The following OAS3 variants were observed in gnomAD, a reference collection of about 807,000 sequenced individuals.
The protein encoded by OAS3 is 2'-5'-oligoadenylate synthase 3.
In OAS3, 107 loss-of-function variants were observed where a neutral mutation model predicts 113.0. That is an observed-to-expected ratio of 0.95 (90% CI 0.81 to 1.11). The LOEUF is 1.11. Among genes scored for constraint, OAS3 ranks in the 50% most tolerant of loss-of-function variants. The pLI, the probability that OAS3 is intolerant of heterozygous loss-of-function variation, is 0.00. For synonymous variants in OAS3, 552 were observed against 573.6 expected (o/e 0.96, Z 0.54); for missense variants, 1,258 against 1,389.1 (o/e 0.91, Z 1.50).
chr12:112,943,845 C>T (rs964748537), intron 2 of OAS3, among the ~76,000 whole-genome samples: 2 of 152,192 alleles, frequency 1.3e-5, no homozygotes, highest in African/African-American at 4.8e-5. Context: ...TCTGGAGTAG[C>T]TGGGATTACA....
intron 3 of OAS3, among the ~76,000 whole-genome samples, chr12:112,946,519 C>T (rs1753071439): frequency 6.6e-6 from 1 of 152,170 alleles, no homozygotes; most frequent in South Asian, 2.1e-4. Context: ...GGACTTGAAA[C>T]TTACACCCCT....
intron 1 of OAS3, among the ~76,000 whole-genome samples, chr12:112,939,532 G>T (rs1208961865): frequency 6.6e-6 from 1 of 152,048 alleles, no homozygotes; most frequent in African/African-American, 2.4e-5. Flanking sequence ...TGTTGCCCAG[G>T]CTGGCCTGGA....
chr12:112,961,955 C>G (rs994043591), intron 8 of OAS3, among the ~76,000 whole-genome samples: 2 of 152,172 alleles, frequency 1.3e-5, no homozygotes, highest in Non-Finnish European at 2.9e-5. Context: ...ACTACTACAC[C>G]TGGCTGATTT....
chr12:112,967,411 TCTCCAGGCCAGCTGGTCTCTGG>T lies in OAS3; in HGVS notation c.2693_2714del (p.Gln898ProfsTer38). The T allele has an allele frequency of 6.2e-7, 1 of 1,608,710 alleles. No individual in the cohort carries two copies. Among genetic ancestry groups the T allele is most frequent in the Non-Finnish European group, 8.5e-7 (1 of 1,177,346 alleles). ...CGGAGTGATGGTAACCATCTCCCCA[TCTCCAGGCCAGCTGGTCTCTGG>T]CTCCAGGCCCAGCTCTCAAGTCTAC... On this transcript the variant is annotated splice_acceptor_variant and splice_polypyrimidine_tract_variant and coding_sequence_variant and intron_variant, in exon 13 of 16. Transcript: ENST00000228928. LOFTEE classifies it high-confidence loss of function.
In OAS3 at chr12:112,958,911, G is replaced by C. The variant is rs540166805; in HGVS notation, c.1658-2160G>C. On this transcript the variant is annotated intron_variant, in intron 7 of 15. Coordinates refer to ENST00000228928, the MANE Select transcript of OAS3 (RefSeq NM_006187.4). ...GTTTAAGTCTGCAGAAGTTTCTGCT[G>C]CCTTTTGTTCAGCTATGCCCTGCCT... 3.0e-3 allele frequency among the ~76,000 whole-genome samples: 455 copies of C among 152,338 alleles called. 2 individuals are homozygous for C. Among genetic ancestry groups the C allele is most frequent in the African/African-American group, 0.01 (421 of 41,580 alleles).
intron 1 of OAS3, among the ~76,000 whole-genome samples, chr12:112,940,291 C>A (rs1465336150): frequency 6.6e-6 from 1 of 152,176 alleles, no homozygotes; most frequent in Non-Finnish European, 1.5e-5. Flanking sequence ...AAAGGACTGG[C>A]ATAATCATCG....
chr12:112,940,788 A>G (rs554669599), intron 1 of OAS3, among the ~76,000 whole-genome samples: 1 of 152,310 alleles, frequency 6.6e-6, no homozygotes, highest in African/African-American at 2.4e-5. Context: ...AGATCACTTG[A>G]GGTCAGGAAT....
intron 2 of OAS3, among the ~76,000 whole-genome samples, chr12:112,943,766 T>G (rs1371763224): frequency 2.0e-5 from 3 of 152,138 alleles, no homozygotes; most frequent in African/African-American, 7.2e-5. Flanking sequence ...CAGGCTGGAG[T>G]GCAGTGGTAC....
chr12:112,968,907 T>C (rs888484701), intron 14 of OAS3, among the ~76,000 whole-genome samples: 8 of 152,220 alleles, frequency 5.3e-5, no homozygotes, highest in Non-Finnish European at 1.0e-4. Flanking sequence ...TGCCTACCTC[T>C]GAAATGGGTA....
rs1457748589 is a variant in OAS3, at chr12:112,971,769, C to T, written c.*1796C>T. 2 of 152,318 alleles carry T rather than the reference C, an allele frequency of 1.3e-5. No individual in the cohort carries two copies. The highest frequency in any genetic ancestry group is 1.9e-4 in the East Asian group (1 of 5,188). The allele number at this position is 152,318 out of a possible 1,614,324, so 9.4% of individuals were successfully genotyped here. A position where few individuals can be genotyped will look rare whatever the true frequency, so the allele number is the denominator to read the frequency against. ...GATTCACCTAGAACCTGTTCTCTGC[C>T]GTCTTTGGCTCAGCCTACAGAGACT... On this transcript the variant is annotated 3_prime_UTR_variant, in exon 16 of 16. Coordinates refer to ENST00000228928, the MANE Select transcript of OAS3 (RefSeq NM_006187.4).
At position 112,961,861 on chromosome 12, in the gene OAS3, T is replaced by C. The variant is rs147397522; in HGVS notation, c.1833+615T>C. ...TCCAGGCTGGAGTGCTGTGGCACAA[T>C]TACAGCTCGCTGCAGCCTCGACCTT... On this transcript the variant is annotated intron_variant, in intron 8 of 15. Coordinates refer to ENST00000228928, the MANE Select transcript of OAS3 (RefSeq NM_006187.4). Among the ~76,000 whole-genome samples the C allele has an allele frequency of 1.6e-3, 250 of 152,120 alleles. 1 individual carries two copies. The highest frequency in any genetic ancestry group is 2.7e-3 in the Non-Finnish European group (184 of 67,980).
At chr12:112,947,854 T>C in intron 4 of OAS3, 92 bp from the exon 5 acceptor site, 1 of 1,206,864 alleles carries the variant, frequency 8.3e-7, no homozygotes, top group African/African-American at 1.6e-5. Flanking sequence ...GTCACACAGC[T>C]GGAAAGTAGC....
In OAS3 at chr12:112,949,146, G is replaced by A. The variant is rs1565976612; in HGVS notation, c.1315G>A (p.Asp439Asn). 4 of 1,613,776 alleles carry A rather than the reference G, an allele frequency of 2.5e-6. No homozygotes were observed. Among genetic ancestry groups the A allele is most frequent in the East Asian group, 2.2e-5 (1 of 44,858 alleles). Residue 439 changes from aspartate (D) to asparagine (N), a missense_variant, in exon 6 of 16, where the codon GAC becomes AAC. Coordinates refer to ENST00000228928, the MANE Select transcript of OAS3 (RefSeq NM_006187.4). ...QFQEQVKKAI[D>N]IILRCLHENC... ...CCAGGAGCAGGTGAAAAAGGCCATT[G>A]ACATCATCTTGCGCTGCCTCCATGA...
chr12:112,948,112 G>T lies in OAS3; in HGVS notation c.1029+13G>T. ...TTGGAAGGGGCCGGTAAGTGAGGGGGCCCCAGGACCCTTGGGTTTTGCACT... is the reference window on the plus strand; with the variant it reads ...TTGGAAGGGGCCGGTAAGTGAGGGGTCCCCAGGACCCTTGGGTTTTGCACT... On this transcript the variant is annotated intron_variant, in intron 5 of 15. Coordinates refer to ENST00000228928, the MANE Select transcript of OAS3 (RefSeq NM_006187.4). The T allele has an allele frequency of 6.6e-7, 1 of 1,511,080 alleles. No homozygotes were observed. Among genetic ancestry groups the T allele is most frequent in the South Asian group, 1.3e-5 (1 of 74,794 alleles). The allele number at this position is 1,511,080 out of a possible 1,614,324, so 93.6% of individuals were successfully genotyped here. A position where few individuals can be genotyped will look rare whatever the true frequency, so the allele number is the denominator to read the frequency against.
At chr12:112,947,181 T>C (rs917700283) in intron 4 of OAS3, among the ~76,000 whole-genome samples, 200 bp downstream of exon 4, 4 of 152,170 alleles carry the variant, frequency 2.6e-5, no homozygotes, top group Admixed American at 6.5e-5. Flanking sequence ...AATATACCAG[T>C]GCCTGGCCCC....
intron 4 of OAS3, 144 bp downstream of exon 4, chr12:112,947,125 G>A (rs1296517194): frequency 3.1e-6 from 2 of 655,392 alleles, no homozygotes; most frequent in Non-Finnish European, 5.3e-6. Flanking sequence ...TAATTCACTG[G>A]ACTCAGCCCA....
intron 2 of OAS3, among the ~76,000 whole-genome samples, chr12:112,944,071 C>T (rs961159176): frequency 6.6e-6 from 1 of 152,194 alleles, no homozygotes; most frequent in South Asian, 2.1e-4. Flanking sequence ...GTTTTCCTCT[C>T]CGTGACACCT....
Position 112,946,727 on chromosome 12 carries a change from C to G in OAS3, c.637-16C>G. The G allele has an allele frequency of 3.8e-6, 6 of 1,588,906 alleles. No homozygotes were observed. The highest frequency in any genetic ancestry group is 5.1e-6 in the Non-Finnish European group (6 of 1,165,656). The stretch of plus-strand genomic sequence containing the variant: ...CCCTTCTTCCTTCTGAGTCCCCTGC[C>G]GATGCCCTCTCACAGGTGTGCCTAC... On this transcript the variant is annotated splice_polypyrimidine_tract_variant and intron_variant, in intron 3 of 15. Transcript: ENST00000228928.
In OAS3 at chr12:112,963,248, C is replaced by G; in HGVS notation, c.2085-65C>G. The G allele has an allele frequency of 6.7e-7, 1 of 1,482,574 alleles. No individual in the cohort carries two copies. Among genetic ancestry groups the G allele is most frequent in the African/African-American group, 1.4e-5 (1 of 71,576 alleles). 91.8% of individuals were successfully genotyped at this position (1,482,574 alleles called of 1,614,324 possible). A position where few individuals can be genotyped will look rare whatever the true frequency, so the allele number is the denominator to read the frequency against. On this transcript the variant is annotated intron_variant, in intron 9 of 15. Transcript: ENST00000228928. This position sits in a 1 kb window ranked among gnomAD's most constrained non-coding sequence, Gnocchi z 4.6. Reference sequence around the variant, plus strand: ...CCAGCCCTCACGCCCCTTTTCAGCCCTTCCACCCGCCTCCTCTTTCACTGA... The same window carrying G: ...CCAGCCCTCACGCCCCTTTTCAGCCGTTCCACCCGCCTCCTCTTTCACTGA...
Sources: gnomAD v4.1 joint callset for allele counts (sites outside exome capture counted in the v4.1 genomes callset) on GRCh38, gnomAD v4.1.1 for gene constraint, Gnocchi (gnomAD v3.1) non-coding constraint, MANE v1.5 for transcripts, NCBI Gene and HGNC (gene_info 2026-07-23, HGNC 2026-07-21) for gene names.